The following ADGRL2 variants were observed in gnomAD, a reference collection of about 807,000 sequenced individuals.
The protein encoded by ADGRL2 is calcium-independent alpha-latrotoxin receptor 2.
ADGRL2 carries 44 observed loss-of-function variants against 157.4 expected under a neutral mutation model. That is an observed-to-expected ratio of 0.28 (90% confidence interval 0.22 to 0.36). The LOEUF (loss-of-function observed/expected upper bound fraction) is 0.36. Among genes scored for constraint, ADGRL2 ranks in the 10% least tolerant of loss-of-function variants. The pLI is 1.00. For synonymous variants in ADGRL2, 585 were observed against 624.7 expected (o/e 0.94, Z 0.95); for missense variants, 1,510 against 1,768.9 (o/e 0.85, Z 2.63).
intron 1 of ADGRL2, among the ~76,000 whole-genome samples, chr1:81,417,577 T>C (rs563423249): frequency 2.6e-5 from 4 of 152,296 alleles, no homozygotes; most frequent in Admixed American, 2.0e-4. Context: ...CACCATGTCA[T>C]AGGTGGTGAA....
chr1:81,892,797 T>C (rs1036819546), intron 2 of ADGRL2, among the ~76,000 whole-genome samples: 1 of 152,166 alleles, frequency 6.6e-6, no homozygotes, highest in African/African-American at 2.4e-5. Flanking sequence ...TGAAATATTG[T>C]TCTTTTGATT....
chr1:81,445,250 G>A (rs1315187519), intron 2 of ADGRL2, among the ~76,000 whole-genome samples: 1 of 152,220 alleles, frequency 6.6e-6, no homozygotes. Context: ...CCTGGGTGGA[G>A]ATGAGGGAAG....
At chr1:81,577,227 G>A (rs184807514) in intron 2 of ADGRL2, among the ~76,000 whole-genome samples, 1 of 152,164 alleles carries the variant, frequency 6.6e-6, no homozygotes, top group African/African-American at 2.4e-5. Flanking sequence ...TTCATCGGTA[G>A]CATGCGACTC....
At chr1:81,631,123 G>A (rs1235460747) in intron 3 of ADGRL2, among the ~76,000 whole-genome samples, 3 of 151,962 alleles carry the variant, frequency 2.0e-5, no homozygotes, top group African/African-American at 4.8e-5. Flanking sequence ...AGTCCAAAAT[G>A]TAGATTTAAT....
chr1:81,495,207 G>A (rs1415960046), intron 2 of ADGRL2, among the ~76,000 whole-genome samples: 2 of 152,040 alleles, frequency 1.3e-5, no homozygotes, highest in African/African-American at 2.4e-5. Context: ...TCCCAATAAG[G>A]GAGCTTACGT....
intron 2 of ADGRL2, among the ~76,000 whole-genome samples, chr1:81,532,115 G>T (rs1406326482): frequency 6.6e-6 from 1 of 152,096 alleles, no homozygotes; most frequent in Non-Finnish European, 1.5e-5. Context: ...TTTCTCATCT[G>T]CAAAATGGGA....
intron 1 of ADGRL2, among the ~76,000 whole-genome samples, chr1:81,735,491 T>C (rs1229382149): frequency 2.6e-5 from 4 of 152,014 alleles, no homozygotes; most frequent in Admixed American, 6.6e-5. Flanking sequence ...AAACTGAGGC[T>C]TAAAGAGGTG....
chr1:81,899,705 G>A (rs1486571081), intron 2 of ADGRL2, among the ~76,000 whole-genome samples: 3 of 152,086 alleles, frequency 2.0e-5, no homozygotes, highest in Non-Finnish European at 4.4e-5. Context: ...TTGCTGGTTG[G>A]GATGCTTATT....
At chr1:81,322,109 T>TACAC (rs1553153255) in intron 1 of ADGRL2, among the ~76,000 whole-genome samples, 33 of 129,812 alleles carry the variant, frequency 2.5e-4, no homozygotes, top group South Asian at 1.3e-3. Flanking sequence ...TATATATATA[T>TACAC]ACACATATAT....
Position 81,670,742 on chromosome 1 carries a change from G to T in ADGRL2, c.-143+89762G>T, listed in dbSNP as rs193083938. ...ACATATTTCTTTATTTTGAGACAGG[G>T]TCTCGCTCTGTTGCCCAGGCTGGGT... is the stretch of plus-strand genomic sequence containing the variant. On this transcript the variant is annotated intron_variant, in intron 3 of 24. Coordinates refer to the ADGRL2 transcript ENST00000370721. 4.1e-3 allele frequency among the ~76,000 whole-genome samples: 631 copies of T among 152,312 alleles called. 4 individuals carry two copies. Among genetic ancestry groups the T allele is most frequent in the Non-Finnish European group, 5.0e-3 (338 of 68,014 alleles).
At chr1:81,388,591 T>A (rs1342573922) in intron 1 of ADGRL2, among the ~76,000 whole-genome samples, 1 of 152,006 alleles carries the variant, frequency 6.6e-6, no homozygotes, top group Admixed American at 6.6e-5. Context: ...ACTTGGGAGG[T>A]GATGAGTGAA....
intron 2 of ADGRL2, among the ~76,000 whole-genome samples, chr1:81,498,195 C>CA (rs1414873405): frequency 6.6e-6 from 1 of 152,040 alleles, no homozygotes; most frequent in Admixed American, 6.6e-5. Context: ...CAAATGTCTG[C>CA]AAAAATCTAG....
intron 2 of ADGRL2, among the ~76,000 whole-genome samples, chr1:81,784,670 G>C (rs1388031026): frequency 6.7e-6 from 1 of 148,998 alleles, no homozygotes; most frequent in Non-Finnish European, 1.5e-5. Context: ...GCAGGTTTTA[G>C]TGAGCTGAGA....
At chr1:81,517,142 C>G (rs997174686) in intron 2 of ADGRL2, among the ~76,000 whole-genome samples, 11 of 152,008 alleles carry the variant, frequency 7.2e-5, no homozygotes, top group Admixed American at 1.3e-4. Context: ...TAATTCCACA[C>G]CCAGAGGTGA....
chr1:81,492,186 A>G (rs1270239593), intron 2 of ADGRL2, among the ~76,000 whole-genome samples: 2 of 152,182 alleles, frequency 1.3e-5, no homozygotes, highest in African/African-American at 4.8e-5. Context: ...TTTTCAGTCT[A>G]ACATTTTTAT....
chr1:81,574,960 A>G (rs2080769091), intron 2 of ADGRL2, among the ~76,000 whole-genome samples: 1 of 152,218 alleles, frequency 6.6e-6, no homozygotes, highest in Non-Finnish European at 1.5e-5. Flanking sequence ...TTCCAGCTGC[A>G]AAGTAGAGGC....
chr1:81,731,391 C>T (rs182134046), intron 1 of ADGRL2, among the ~76,000 whole-genome samples: 1 of 152,266 alleles, frequency 6.6e-6, no homozygotes, highest in Non-Finnish European at 1.5e-5. Flanking sequence ...TGAGAACTCT[C>T]ACCTTCTTCA....
chr1:81,854,260 G>A (rs2093123727), intron 2 of ADGRL2, among the ~76,000 whole-genome samples: 1 of 152,174 alleles, frequency 6.6e-6, no homozygotes, highest in South Asian at 2.1e-4. Context: ...CGAACCACTG[G>A]ATTTATCCTG....
intron 3 of ADGRL2, among the ~76,000 whole-genome samples, chr1:81,675,768 G>C (rs2148933151): frequency 6.6e-6 from 1 of 152,048 alleles, no homozygotes; most frequent in South Asian, 2.1e-4. Context: ...TTTTAGTAGA[G>C]ACAGGGTTTC....
Sources: gnomAD v4.1 joint callset for allele counts (sites outside exome capture counted in the v4.1 genomes callset) on GRCh38, gnomAD v4.1.1 for gene constraint, MANE v1.5 for transcripts, NCBI Gene and HGNC (gene_info 2026-07-23, HGNC 2026-07-21) for gene names.